MED12L: variants seen among roughly 807,000 people sequenced by gnomAD.
The protein encoded by MED12L is mediator of RNA polymerase II transcription subunit 12-like protein.
MED12L carries 60 observed loss-of-function variants against 281.3 expected under a neutral mutation model. The observed-to-expected ratio is 0.21, with a 90% CI of 0.17 to 0.26. MED12L has a LOEUF of 0.26. MED12L is among the 10% of genes least tolerant of loss of function. The pLI, the probability that MED12L is intolerant of heterozygous loss-of-function variation, is 1.00. For missense variants in MED12L, 2,146 were observed against 2,680.9 expected (o/e 0.80, Z 4.41); for synonymous variants, 974 against 987.2 (o/e 0.99, Z 0.25).
At chr3:151,373,642 C>T (rs1004676666) in intron 27 of MED12L, among the ~76,000 whole-genome samples, 7 of 152,012 alleles carry the variant, frequency 4.6e-5, no homozygotes, top group African/African-American at 1.7e-4. Flanking sequence ...CCCTCCTCTC[C>T]CCTGTTTATT....
At chr3:151,134,208 CT>C (rs1715808526) in intron 5 of MED12L, among the ~76,000 whole-genome samples, 2 of 146,894 alleles carry the variant, frequency 1.4e-5, no homozygotes, top group African/African-American at 5.1e-5. Flanking sequence ...TTTTTTTGGC[CT>C]GTTTGAAAAT....
chr3:151,385,431 T>C (rs1713163830), intron 36 of MED12L, among the ~76,000 whole-genome samples: 1 of 152,122 alleles, frequency 6.6e-6, no homozygotes, highest in Admixed American at 6.5e-5. Context: ...TAAGTAAATT[T>C]TTGGAAACCT....
At position 151,344,066 on chromosome 3, in the gene MED12L, C is replaced by T. The variant is rs573921532; in HGVS notation, c.2251-5993C>T. 1.1e-4 allele frequency among the ~76,000 whole-genome samples: 16 copies of T among 152,156 alleles called. No homozygotes were observed. The East Asian group carries it at 1.9e-3, about 18-fold the overall frequency. ...AGATACCAACAGGTTCCAAAAGTAA[C>T]GAGTCTTGGGCATTGAAATATTTCG... On this transcript the variant is annotated intron_variant, in intron 16 of 44. Transcript: ENST00000687756.
chr3:151,343,674 T>C (rs889291313), intron 16 of MED12L, among the ~76,000 whole-genome samples: 4 of 152,232 alleles, frequency 2.6e-5, no homozygotes, highest in Non-Finnish European at 5.9e-5. Flanking sequence ...GGAACAGAGC[T>C]AACTTTGGTT....
At chr3:151,270,196 C>CTGT (rs71621430) in intron 16 of MED12L, 73 of 129,648 alleles carry the variant, frequency 5.6e-4, no homozygotes, top group Non-Finnish European at 9.2e-4. Context: ...AGCAAGCTGT[C>CTGT]GTGTGTGTGT....
intron 38 of MED12L, among the ~76,000 whole-genome samples, chr3:151,392,327 A>G (rs2108236299): frequency 6.6e-6 from 1 of 152,002 alleles, no homozygotes; most frequent in Non-Finnish European, 1.5e-5. Context: ...AAAATTAGCC[A>G]GGCATGGTGG....
At chr3:151,216,514 C>T (rs182846163) in intron 16 of MED12L, among the ~76,000 whole-genome samples, 6 of 152,276 alleles carry the variant, frequency 3.9e-5, no homozygotes, top group Admixed American at 2.6e-4. Context: ...CTTGTTTCTG[C>T]GTATTTTCCT....
At chr3:151,295,246 T>C (rs767921236) in intron 16 of MED12L, 19 of 1,438,430 alleles carry the variant, frequency 1.3e-5, no homozygotes, top group Non-Finnish European at 1.7e-5. Flanking sequence ...ACTTCAGTGC[T>C]TGGCAAGCAT....
In MED12L at chr3:151,234,888, G is replaced by A. The variant is rs1577060892; in HGVS notation, c.2250+41222G>A. ...AGCAGAAGCCTATCCTCAGCTGTGT[G>A]ACTCTTTTACCTATAATAAGAATCT... is the stretch of plus-strand genomic sequence containing the variant. On this transcript the variant is annotated intron_variant, in intron 16 of 44. Coordinates refer to ENST00000687756, the MANE Select transcript of MED12L (RefSeq NM_001393769.1). Among the ~76,000 whole-genome samples the A allele has an allele frequency of 2.0e-5, 3 of 152,318 alleles. 1 individual carries two copies. In the East Asian group the frequency reaches 5.8e-4, roughly 29 times the overall value.
At chr3:151,289,881 AT>A (rs35528070) in intron 16 of MED12L, among the ~76,000 whole-genome samples, 34,297 of 144,982 alleles carry the variant, frequency 0.24, 3,862 homozygotes, top group South Asian at 0.34. Flanking sequence ...CTCGAACACA[AT>A]TTTTTTTTTT....
At chr3:151,199,587 T>C (rs1725235555) in intron 16 of MED12L, 1 of 473,336 alleles carries the variant, frequency 2.1e-6, no homozygotes, top group East Asian at 3.1e-5. Context: ...GGTGAGAACA[T>C]ACTAGATTGT....
chr3:151,101,839 G>A (rs939581813), intron 2 of MED12L, among the ~76,000 whole-genome samples: 17 of 152,296 alleles, frequency 1.1e-4, no homozygotes, highest in Admixed American at 6.5e-4. Flanking sequence ...TAACCAAAGC[G>A]TGAAGTAAAA....
intron 23 of MED12L, among the ~76,000 whole-genome samples, chr3:151,367,421 C>T (rs1379621915): frequency 1.3e-5 from 2 of 152,164 alleles, no homozygotes; most frequent in Admixed American, 1.3e-4. Context: ...AGTCAAAGCT[C>T]AGTATTTTCT....
At chr3:151,304,575 A>T (rs1313765567) in intron 16 of MED12L, among the ~76,000 whole-genome samples, 2 of 142,942 alleles carry the variant, frequency 1.4e-5, no homozygotes, top group Admixed American at 7.1e-5. Context: ...CTCAAAAAAA[A>T]ATTTTTTTTC....
chr3:151,117,922 C>A (rs541865884), intron 3 of MED12L, among the ~76,000 whole-genome samples: 2 of 151,970 alleles, frequency 1.3e-5, no homozygotes, highest in East Asian at 3.9e-4. Flanking sequence ...GAAACCCTGT[C>A]TCTACTAAAA....
chr3:151,211,567 C>A (rs763945090), intron 16 of MED12L, among the ~76,000 whole-genome samples: 21 of 152,158 alleles, frequency 1.4e-4, no homozygotes, highest in Non-Finnish European at 1.3e-4. Flanking sequence ...GAAAAAAAAC[C>A]TGTCCAGCTT....
chr3:151,144,376 T>G (rs1717476721), intron 5 of MED12L, among the ~76,000 whole-genome samples: 1 of 152,120 alleles, frequency 6.6e-6, no homozygotes, highest in South Asian at 2.1e-4. Flanking sequence ...TCCAGTGTGG[T>G]TCTCCTCAGC....
Position 151,383,762 on chromosome 3 carries a change from T to C in MED12L, c.4681-17T>C. On this transcript the variant is annotated splice_polypyrimidine_tract_variant and intron_variant, in intron 33 of 44. Transcript: ENST00000687756. Reference sequence around the variant, plus strand: ...GTTTTACAGAATGCAAATATCTTACTGTATTTTGTCTGCTAGGTAGGAGGA... The same window carrying C: ...GTTTTACAGAATGCAAATATCTTACCGTATTTTGTCTGCTAGGTAGGAGGA... The C allele has an allele frequency of 6.5e-7, 1 of 1,535,314 alleles. No homozygotes were observed. The highest frequency in any genetic ancestry group is 1.1e-5 in the South Asian group (1 of 87,210).
rs140260817 is a variant in MED12L, at chr3:151,251,472, C to T, written c.2250+57806C>T. Among the ~76,000 whole-genome samples, 779 of 152,198 alleles carry T rather than the reference C, an allele frequency of 5.1e-3. 12 individuals are homozygous for T. Among genetic ancestry groups the T allele is most frequent in the African/African-American group, 0.018 (728 of 41,542 alleles). On this transcript the variant is annotated intron_variant, in intron 16 of 44. Transcript: ENST00000687756. The stretch of plus-strand genomic sequence containing the variant: ...TCTGTGTTCCCTGCCTTCAATCTGC[C>T]TCCCACCCACAGGGTGTGTCCTCCA...
Sources: gnomAD v4.1 joint callset for allele counts (sites outside exome capture counted in the v4.1 genomes callset) on GRCh38, gnomAD v4.1.1 for gene constraint, MANE v1.5 for transcripts, NCBI Gene and HGNC (gene_info 2026-07-23, HGNC 2026-07-21) for gene names.